PCDHGA3: variants seen among roughly 807,000 people sequenced by gnomAD.
PCDHGA3 encodes protocadherin gamma subfamily A, 3.
PCDHGA3 carries 40 observed loss-of-function variants against 58.5 expected under a neutral mutation model. The ratio of observed to expected loss-of-function variants is 0.68; its 90% confidence interval spans 0.53 to 0.89. The LOEUF (loss-of-function observed/expected upper bound fraction) is 0.89. PCDHGA3 is among the 40% of genes least tolerant of loss of function. The pLI, the probability that PCDHGA3 is intolerant of heterozygous loss-of-function variation, is 0.00. For synonymous variants in PCDHGA3, 530 were observed against 525.7 expected, an observed-to-expected ratio of 1.01 and a Z score of -0.11; for missense variants, 1,223 against 1,195.9, an observed-to-expected ratio of 1.02 and a Z score of -0.33.
intron 1 of PCDHGA3, chr5:141,418,730 G>A (rs371887408): frequency 6.2e-6 from 10 of 1,613,832 alleles, no homozygotes; most frequent in African/African-American, 1.3e-5. Context: ...AGCTCAGCAC[G>A]TGTTCTCTCT....
rs757691247 is a variant in PCDHGA3 at position 141,399,920 on chromosome 5, C to T, written c.2424+53463C>T. On this transcript the variant is annotated intron_variant, in intron 1 of 3. Coordinates refer to ENST00000253812, the MANE Select transcript of PCDHGA3 (RefSeq NM_018916.4). ...GTGGACGCAGACTCAGGACACAACG[C>T]CTGGCTGTCCTACCACGTGCTGCAG... is the stretch of plus-strand genomic sequence containing the variant. 1.2e-5 allele frequency: 20 copies of T among 1,612,216 alleles called. No homozygotes were observed. The South Asian group carries it at 2.1e-4, about 17-fold the overall frequency.
chr5:141,431,194 T>C lies in PCDHGA3; in HGVS notation c.2425-63613T>C. On this transcript the variant is annotated intron_variant, in intron 1 of 3. Coordinates refer to ENST00000253812, the MANE Select transcript of PCDHGA3 (RefSeq NM_018916.4). The surrounding 1 kb of genome is among the most constrained non-coding windows in gnomAD (Gnocchi z 4.8). ...AATTAGAAATAAAAATTAGTGAAAA[T>C]GCAGCCACTGAGATGCGGTTCCCTC... The C allele has an allele frequency of 6.2e-7, 1 of 1,614,124 alleles. No homozygotes were observed.
chr5:141,461,355 G>A (rs993200082), intron 1 of PCDHGA3, among the ~76,000 whole-genome samples: 3 of 152,022 alleles, frequency 2.0e-5, no homozygotes, highest in Non-Finnish European at 2.9e-5. Flanking sequence ...GTGGTAGCTC[G>A]TTGTGGTTTT....
intron 1 of PCDHGA3, among the ~76,000 whole-genome samples, chr5:141,436,538 A>G (rs1353206648): frequency 6.6e-6 from 1 of 152,194 alleles, no homozygotes; most frequent in Admixed American, 6.5e-5. Context: ...CAAGTTATTT[A>G]ATCTCTTTGA....
At chr5:141,393,114 C>A (rs750579370) in intron 1 of PCDHGA3, 3 of 1,613,300 alleles carry the variant, frequency 1.9e-6, no homozygotes, top group South Asian at 2.2e-5. Context: ...TCAGAGCCCG[C>A]GGTGTCTGAT....
At chr5:141,383,515 C>G (rs749503295) in intron 1 of PCDHGA3, 1 of 1,612,350 alleles carries the variant, frequency 6.2e-7, no homozygotes, top group Non-Finnish European at 8.5e-7. Flanking sequence ...GGAGGAAGAG[C>G]GGGTTCACCA....
chr5:141,460,455 A>AT (rs2098989699), intron 1 of PCDHGA3, among the ~76,000 whole-genome samples: 1 of 152,080 alleles, frequency 6.6e-6, no homozygotes, highest in Non-Finnish European at 1.5e-5. Flanking sequence ...GAAGATTCAT[A>AT]TTTTTTTCCA....
chr5:141,355,900 G>T, intron 1 of PCDHGA3: 1 of 1,613,626 alleles, frequency 6.2e-7, no homozygotes, highest in East Asian at 2.2e-5. Flanking sequence ...AATACTTGTG[G>T]ATACCAACGA....
intron 1 of PCDHGA3, among the ~76,000 whole-genome samples, chr5:141,438,119 A>G (rs2097930168): frequency 6.6e-6 from 1 of 152,220 alleles, no homozygotes; most frequent in Non-Finnish European, 1.5e-5. Flanking sequence ...ATGCATTCCT[A>G]AAATATTAAT....
chr5:141,455,541 A>G (rs2098825752), intron 1 of PCDHGA3, among the ~76,000 whole-genome samples: 1 of 152,134 alleles, frequency 6.6e-6, no homozygotes, highest in African/African-American at 2.4e-5. Context: ...CATATCATTC[A>G]CGTAGCCCGA....
At chr5:141,438,610 A>G (rs2098013566) in intron 1 of PCDHGA3, among the ~76,000 whole-genome samples, 1 of 30,060 alleles carries the variant, frequency 3.3e-5, no homozygotes, top group African/African-American at 2.4e-4. Flanking sequence ...ATATATATAT[A>G]TATATATATA....
In PCDHGA3 at chr5:141,490,889, T is replaced by G. The variant is rs568838001; in HGVS notation, c.2425-3918T>G. The G allele has an allele frequency of 6.2e-7, 1 of 1,613,406 alleles. No homozygotes were observed. Among genetic ancestry groups the G allele is most frequent in the Non-Finnish European group, 8.5e-7 (1 of 1,179,428 alleles). ...CCCCCATTGCATGCCAACACATCTCTGCATGTGTTTGTCCTAGACGAGAAT... is the reference window on the plus strand; with the variant it reads ...CCCCCATTGCATGCCAACACATCTCGGCATGTGTTTGTCCTAGACGAGAAT... On this transcript the variant is annotated intron_variant, in intron 1 of 3. Coordinates refer to ENST00000253812, the MANE Select transcript of PCDHGA3 (RefSeq NM_018916.4). This position sits in a 1 kb window ranked among gnomAD's most constrained non-coding sequence, Gnocchi z 5.4.
At chr5:141,456,220 T>C (rs965297694) in intron 1 of PCDHGA3, among the ~76,000 whole-genome samples, 1 of 152,098 alleles carries the variant, frequency 6.6e-6, no homozygotes, top group Admixed American at 6.6e-5. Context: ...TGTGGCGATA[T>C]CAAACTAACT....
chr5:141,427,697 A>G (rs1306378691), intron 1 of PCDHGA3: 3 of 924,392 alleles, frequency 3.2e-6, no homozygotes, highest in South Asian at 1.4e-5. Context: ...CCATCCCACA[A>G]GTCAGCGCCT....
rs568927137 is a variant in PCDHGA3, at chr5:141,410,186, CT to C, written c.2424+63730del. On this transcript the variant is annotated intron_variant, in intron 1 of 3. Coordinates refer to ENST00000253812, the MANE Select transcript of PCDHGA3 (RefSeq NM_018916.4). ...ACTCTCTGCCACCGCCACGCTTCAT[CT>C]GGTCTTCGCAGACAACTTGCAAGAG... 1.6e-5 allele frequency: 26 copies of C among 1,613,940 alleles called. 1 individual carries two copies. In the South Asian group the frequency reaches 2.6e-4, roughly 16 times the overall value.
At chr5:141,447,950 G>T (rs1195519095) in intron 1 of PCDHGA3, among the ~76,000 whole-genome samples, 1 of 152,052 alleles carries the variant, frequency 6.6e-6, no homozygotes, top group Non-Finnish European at 1.5e-5. Flanking sequence ...GCTGGGCATG[G>T]TGGCGGACAC....
chr5:141,357,336 A>G, intron 1 of PCDHGA3: 2 of 1,614,110 alleles, frequency 1.2e-6, no homozygotes, highest in Non-Finnish European at 8.5e-7. Context: ...CGGTGCTGCT[A>G]GCACTCAAGC....
At chr5:141,394,893 G>A (rs769819389) in intron 1 of PCDHGA3, 7 of 1,613,858 alleles carry the variant, frequency 4.3e-6, no homozygotes, top group South Asian at 2.2e-5. Context: ...ACTCTATCTC[G>A]TGGTGGCAGT....
chr5:141,433,812 G>A (rs535623556), intron 1 of PCDHGA3, among the ~76,000 whole-genome samples: 46 of 150,530 alleles, frequency 3.1e-4, no homozygotes, highest in African/African-American at 1.1e-3. Context: ...ACTCCAGCCT[G>A]GGCAACAAGA....
Sources: allele counts gnomAD v4.1 joint callset (sites outside exome capture counted in the v4.1 genomes callset), GRCh38; gene constraint gnomAD v4.1.1; non-coding constraint Gnocchi (gnomAD v3.1); transcripts MANE v1.5; gene names NCBI Gene and HGNC (gene_info 2026-07-23, HGNC 2026-07-21).